Variants in PDZRN4 observed in about 807,000 individuals in gnomAD.
PDZRN4 encodes PDZ domain containing ring finger 4, also known as PDZ domain-containing RING finger protein 4.
A neutral mutation model predicts 99.0 loss-of-function variants in PDZRN4; 70 were observed. The ratio of observed to expected loss-of-function variants is 0.71; its 90% CI spans 0.58 to 0.86. The LOEUF (loss-of-function observed/expected upper bound fraction) is 0.86. PDZRN4 is among the 40% of genes least tolerant of loss of function. The probability of loss-of-function intolerance (pLI) is 0.00; values close to 1 mark genes in which losing one functional copy is unlikely to be tolerated. For synonymous variants in PDZRN4, 551 were observed against 501.6 expected, an observed-to-expected ratio of 1.10 and a Z score of -1.32; for missense variants, 1,474 against 1,331.2, an observed-to-expected ratio of 1.11 and a Z score of -1.67.
At chr12:41,442,110 C>T (rs1466822482) in intron 3 of PDZRN4, among the ~76,000 whole-genome samples, 3 of 152,136 alleles carry the variant, frequency 2.0e-5, no homozygotes, top group Admixed American at 2.0e-4. Flanking sequence ...TAAAGGCCCT[C>T]TTGAGTGGCT....
chr12:41,463,692 G>T (rs754053608), intron 3 of PDZRN4, among the ~76,000 whole-genome samples: 16 of 152,090 alleles, frequency 1.1e-4, no homozygotes, highest in Non-Finnish European at 1.9e-4. Flanking sequence ...CACATAGAAA[G>T]GTGCCCTGTG....
chr12:41,223,720 A>C (rs1453541234), intron 3 of PDZRN4, among the ~76,000 whole-genome samples: 1 of 152,184 alleles, frequency 6.6e-6, no homozygotes, highest in Non-Finnish European at 1.5e-5. Context: ...CAGAGCTAGC[A>C]AGAGGCGGAA....
rs183053448 is a variant in PDZRN4, at chr12:41,538,072, A to G, written c.1204-14584A>G. On this transcript the variant is annotated intron_variant, in intron 5 of 9. Coordinates refer to ENST00000402685, the MANE Select transcript of PDZRN4 (RefSeq NM_001164595.2). ...GGAGAGAAAGAAAAGAGATGAGCAG[A>G]TTTTATGGTGTATCCATTATTTATT... 8.7e-4 allele frequency among the ~76,000 whole-genome samples: 133 copies of G among 152,310 alleles called. 3 individuals are homozygous for G. Among genetic ancestry groups the G allele is most frequent in the Admixed American group, 8.5e-3 (130 of 15,296 alleles).
At chr12:41,439,580 C>A (rs1337696780) in intron 3 of PDZRN4, among the ~76,000 whole-genome samples, 1 of 152,084 alleles carries the variant, frequency 6.6e-6, no homozygotes, top group Non-Finnish European at 1.5e-5. Context: ...CCAGAAAGGA[C>A]CACTGTATTT....
At chr12:41,463,598 T>C (rs1347737512) in intron 3 of PDZRN4, among the ~76,000 whole-genome samples, 3 of 152,070 alleles carry the variant, frequency 2.0e-5, no homozygotes, top group Admixed American at 2.0e-4. Flanking sequence ...CAGTGCACAG[T>C]GTTTTACAGA....
chr12:41,221,635 A>C (rs975340426), intron 3 of PDZRN4, among the ~76,000 whole-genome samples: 4 of 152,128 alleles, frequency 2.6e-5, no homozygotes, highest in Non-Finnish European at 4.4e-5. Context: ...TAGTAATTTA[A>C]GGCTTTTCAG....
chr12:41,361,707 G>T (rs948795401), intron 3 of PDZRN4, among the ~76,000 whole-genome samples: 27 of 152,162 alleles, frequency 1.8e-4, no homozygotes, highest in African/African-American at 6.5e-4. Flanking sequence ...GTCAGATAAA[G>T]GTGAAGCTTT....
intron 3 of PDZRN4, among the ~76,000 whole-genome samples, chr12:41,285,305 A>G (rs1461364385): frequency 1.3e-5 from 2 of 152,204 alleles, no homozygotes; most frequent in Non-Finnish European, 2.9e-5. Context: ...CCACAATGAG[A>G]TACCATCTCA....
chr12:41,538,213 C>CAG (rs1438724027), intron 5 of PDZRN4, among the ~76,000 whole-genome samples: 1 of 151,768 alleles, frequency 6.6e-6, no homozygotes, highest in African/African-American at 2.4e-5. Context: ...AAAAAAGTAA[C>CAG]CATCTTGATA....
At chr12:41,508,162 A>C (rs1453644622) in intron 4 of PDZRN4, among the ~76,000 whole-genome samples, 1 of 152,152 alleles carries the variant, frequency 6.6e-6, no homozygotes, top group Non-Finnish European at 1.5e-5. Context: ...GGGAACAGAT[A>C]TTAAGTAACA....
chr12:41,188,347 C>A lies in PDZRN4; in HGVS notation c.-109C>A. 9.4e-7 allele frequency: 1 copy of A among 1,064,530 alleles called. No homozygotes were observed. Among genetic ancestry groups the A allele is most frequent in the Non-Finnish European group, 1.3e-6 (1 of 766,394 alleles). The allele number at this position is 1,064,530 out of a possible 1,614,324, so 65.9% of individuals were successfully genotyped here. On this transcript the variant is annotated 5_prime_UTR_variant, in exon 1 of 10. Coordinates refer to ENST00000402685, the MANE Select transcript of PDZRN4 (RefSeq NM_001164595.2). ...CACACCTCCCACCCGCCACCTCCCTCCACTGCCGCCGCCGCGAGACGGCTG... is the reference window on the plus strand; with the variant it reads ...CACACCTCCCACCCGCCACCTCCCTACACTGCCGCCGCCGCGAGACGGCTG...
At chr12:41,548,494 T>A (rs932995871) in intron 5 of PDZRN4, among the ~76,000 whole-genome samples, 1 of 152,194 alleles carries the variant, frequency 6.6e-6, no homozygotes, top group African/African-American at 2.4e-5. Flanking sequence ...AATAAAGATA[T>A]GGACATAAAA....
At chr12:41,257,186 C>G (rs1218425458) in intron 3 of PDZRN4, among the ~76,000 whole-genome samples, 1 of 152,212 alleles carries the variant, frequency 6.6e-6, no homozygotes, top group Admixed American at 6.5e-5. Flanking sequence ...CTCTTTCTTC[C>G]TAAGATAAGC....
chr12:41,307,595 A>G (rs897825272), intron 3 of PDZRN4, among the ~76,000 whole-genome samples: 1 of 138,364 alleles, frequency 7.2e-6, no homozygotes, highest in Non-Finnish European at 1.5e-5. Context: ...TGAAGAAGGA[A>G]CTTTGGAGAG....
intron 3 of PDZRN4, among the ~76,000 whole-genome samples, chr12:41,501,398 A>G (rs1207889787): frequency 6.6e-6 from 1 of 152,170 alleles, no homozygotes; most frequent in East Asian, 1.9e-4. Context: ...AAAGGGGAAC[A>G]GCTCAAATCC....
At chr12:41,510,336 T>C (rs1013279749) in intron 5 of PDZRN4, among the ~76,000 whole-genome samples, 3 of 152,144 alleles carry the variant, frequency 2.0e-5, no homozygotes, top group African/African-American at 7.2e-5. Context: ...TGCAATACTC[T>C]CTTTGTGCCT....
At chr12:41,569,342 A>G (rs910205443) in intron 9 of PDZRN4, among the ~76,000 whole-genome samples, 6 of 151,548 alleles carry the variant, frequency 4.0e-5, no homozygotes, top group Admixed American at 6.6e-5. Context: ...CTGTTCTCGA[A>G]CTCCTGACCT....
intron 3 of PDZRN4, among the ~76,000 whole-genome samples, chr12:41,439,070 A>T (rs17129355): frequency 6.6e-6 from 1 of 152,166 alleles, no homozygotes; most frequent in Non-Finnish European, 1.5e-5. Context: ...TACACATGAA[A>T]CAGCCTCCTC....
rs1233292704 is a variant in PDZRN4 at position 41,230,367 on chromosome 12, C to A, written c.843+36179C>A. 3.3e-5 allele frequency among the ~76,000 whole-genome samples: 5 copies of A among 151,968 alleles called. No homozygotes were observed. In the East Asian group the frequency reaches 9.7e-4, roughly 29 times the overall value. On this transcript the variant is annotated intron_variant, in intron 3 of 9. Transcript: ENST00000402685. ...TACTTATCACTGGAATGTGTTCAGG[C>A]AGGATAACTGTAATGAATATTCATT...
Sources: allele counts gnomAD v4.1 joint callset (sites outside exome capture counted in the v4.1 genomes callset), GRCh38; gene constraint gnomAD v4.1.1; transcripts MANE v1.5; gene names NCBI Gene and HGNC (gene_info 2026-07-23, HGNC 2026-07-21).